STXBP6: variants seen among roughly 807,000 people sequenced by gnomAD.
STXBP6 encodes the protein syntaxin binding protein 6.
Under a neutral mutation model 26.9 loss-of-function variants are expected in STXBP6, and 21 were observed. That is an observed-to-expected ratio of 0.78 (90% CI 0.55 to 1.12). STXBP6 has a LOEUF of 1.12. Among genes scored for constraint, STXBP6 ranks in the 50% most tolerant of loss-of-function variants. The pLI, the probability that STXBP6 is intolerant of heterozygous loss-of-function variation, is 0.00. For missense variants in STXBP6, 232 were observed against 257.9 expected (o/e 0.90, Z 0.69); for synonymous variants, 97 against 92.6 (o/e 1.05, Z -0.27).
At position 24,810,020 on chromosome 14, in the gene STXBP6, C is replaced by T. The variant is rs2067776396; in HGVS notation, c.*2689G>A. On this transcript the variant is annotated 3_prime_UTR_variant, in exon 6 of 6. Transcript: ENST00000323944. ...CTGATCATGTTACATTTTACAAATA[C>T]ATTCTTTAATATGAAACATTAACCT... 2 of 152,126 alleles carry T rather than the reference C, an allele frequency of 1.3e-5. No homozygotes were observed. The highest frequency in any genetic ancestry group is 2.1e-4 in the South Asian group (1 of 4,826). 9.4% of individuals were successfully genotyped at this position (152,126 alleles called of 1,614,324 possible). A position where few individuals can be genotyped will look rare whatever the true frequency, so the allele number is the denominator to read the frequency against.
chr14:24,883,434 A>G (rs1049871208), intron 2 of STXBP6, among the ~76,000 whole-genome samples: 1 of 152,208 alleles, frequency 6.6e-6, no homozygotes, highest in Non-Finnish European at 1.5e-5. Context: ...TGGGATCCCA[A>G]CAAGTATACC....
At chr14:24,914,419 T>C (rs2071683408) in intron 2 of STXBP6, among the ~76,000 whole-genome samples, 1 of 152,214 alleles carries the variant, frequency 6.6e-6, no homozygotes, top group South Asian at 2.1e-4. Flanking sequence ...AATTTCAAAA[T>C]ACTGGCTACT....
At chr14:24,845,346 T>A (rs1176245425) in intron 4 of STXBP6, among the ~76,000 whole-genome samples, 1 of 152,092 alleles carries the variant, frequency 6.6e-6, no homozygotes, top group East Asian at 1.9e-4. Context: ...CCCTAAGAAA[T>A]GTGTAAAAAA....
intron 2 of STXBP6, among the ~76,000 whole-genome samples, chr14:24,877,701 T>C (rs1227967736): frequency 6.6e-6 from 1 of 152,226 alleles, no homozygotes; most frequent in Non-Finnish European, 1.5e-5. Context: ...TAGTGAGTTG[T>C]TTCTAATCTT....
At chr14:25,018,474 C>T (rs1244639772) in intron 1 of STXBP6, among the ~76,000 whole-genome samples, 2 of 152,164 alleles carry the variant, frequency 1.3e-5, no homozygotes, top group African/African-American at 4.8e-5. Flanking sequence ...TATCAGGGGG[C>T]CCCAAACCTC....
intron 1 of STXBP6, among the ~76,000 whole-genome samples, chr14:25,044,883 C>T (rs2075701738): frequency 6.6e-6 from 1 of 152,188 alleles, no homozygotes; most frequent in Non-Finnish European, 1.5e-5. Context: ...TCCCTCCAAC[C>T]TAAAATGTCC....
At chr14:25,018,897 C>T (rs1407198408) in intron 1 of STXBP6, among the ~76,000 whole-genome samples, 1 of 152,166 alleles carries the variant, frequency 6.6e-6, no homozygotes, top group Non-Finnish European at 1.5e-5. Context: ...TTATTCTTGG[C>T]AGTTTACAAT....
At chr14:24,880,272 G>GA (rs1234531698) in intron 2 of STXBP6, among the ~76,000 whole-genome samples, 2 of 152,084 alleles carry the variant, frequency 1.3e-5, no homozygotes, top group Non-Finnish European at 2.9e-5. Context: ...TTCTGGTGTT[G>GA]AAAAAAACAA....
At chr14:24,906,309 C>CA (rs916684439) in intron 2 of STXBP6, among the ~76,000 whole-genome samples, 1 of 151,960 alleles carries the variant, frequency 6.6e-6, no homozygotes, top group Non-Finnish European at 1.5e-5. Flanking sequence ...TTCTACAATG[C>CA]AAAAAAATTT....
At chr14:24,994,116 G>T (rs1163375390) in intron 1 of STXBP6, among the ~76,000 whole-genome samples, 6 of 152,148 alleles carry the variant, frequency 3.9e-5, no homozygotes, top group Admixed American at 2.0e-4. Context: ...TACATACTTT[G>T]CTTCTCTCTT....
At chr14:25,021,205 T>C (rs769346030) in intron 1 of STXBP6, among the ~76,000 whole-genome samples, 16 of 152,172 alleles carry the variant, frequency 1.1e-4, no homozygotes, top group Non-Finnish European at 2.2e-4. Context: ...GCTTCTTCCC[T>C]CCTGTTGCAT....
chr14:24,899,617 C>T (rs1203460275), intron 2 of STXBP6, among the ~76,000 whole-genome samples: 5 of 151,658 alleles, frequency 3.3e-5, no homozygotes, highest in Non-Finnish European at 5.9e-5. Context: ...CCCATCTCTA[C>T]TAAAAATACA....
At chr14:24,814,842 G>A (rs1440155791) in intron 5 of STXBP6, among the ~76,000 whole-genome samples, 3 of 152,174 alleles carry the variant, frequency 2.0e-5, no homozygotes, top group Non-Finnish European at 2.9e-5. Context: ...CACCATGTGA[G>A]GACATGATGA....
chr14:24,830,757 A>G (rs1223986941), intron 4 of STXBP6, among the ~76,000 whole-genome samples: 2 of 152,158 alleles, frequency 1.3e-5, no homozygotes, highest in African/African-American at 4.8e-5. Flanking sequence ...GGAATGGATC[A>G]TCTGTAGGGA....
rs148851269 is a variant in STXBP6 at position 24,963,655 on chromosome 14, G to C, written c.154+11010C>G. ...AATGAGAAAAGGGCATCTGGGGAAAGCTTTGACATATTCAAGGTCTATTAA... is the reference window on the plus strand; with the variant it reads ...AATGAGAAAAGGGCATCTGGGGAAACCTTTGACATATTCAAGGTCTATTAA... On this transcript the variant is annotated intron_variant, in intron 2 of 5. Transcript: ENST00000323944. Among the ~76,000 whole-genome samples the C allele has an allele frequency of 3.4e-3, 517 of 152,254 alleles. 1 individual carries two copies. The highest frequency in any genetic ancestry group is 0.011 in the African/African-American group (455 of 41,540).
chr14:24,973,258 A>C (rs1257091013), intron 2 of STXBP6, among the ~76,000 whole-genome samples: 2 of 152,194 alleles, frequency 1.3e-5, no homozygotes, highest in African/African-American at 2.4e-5. Flanking sequence ...GCACTAAAGA[A>C]ATACAAATAT....
intron 1 of STXBP6, among the ~76,000 whole-genome samples, chr14:25,008,765 C>T (rs1252652308): frequency 2.0e-5 from 3 of 152,146 alleles, no homozygotes; most frequent in African/African-American, 7.2e-5. Flanking sequence ...ACATTTTACA[C>T]ATCAAAAGGT....
intron 2 of STXBP6, among the ~76,000 whole-genome samples, chr14:24,896,213 T>G (rs2070987011): frequency 6.6e-6 from 1 of 152,140 alleles, no homozygotes; most frequent in South Asian, 2.1e-4. Flanking sequence ...TGCCAGCCTG[T>G]TGGCACTTAG....
At chr14:24,891,165 C>T (rs550487327) in intron 2 of STXBP6, among the ~76,000 whole-genome samples, 7 of 152,242 alleles carry the variant, frequency 4.6e-5, no homozygotes, top group Admixed American at 1.3e-4. Flanking sequence ...ATGTTAATTA[C>T]GGATGCAAAC....
Sources: allele counts gnomAD v4.1 joint callset (sites outside exome capture counted in the v4.1 genomes callset), GRCh38; gene constraint gnomAD v4.1.1; transcripts MANE v1.5; gene names NCBI Gene and HGNC (gene_info 2026-07-23, HGNC 2026-07-21).